The following ADD2 variants were observed in gnomAD, a reference collection of about 807,000 sequenced individuals.
The protein encoded by ADD2 is adducin 2.
A neutral mutation model predicts 83.0 loss-of-function variants in ADD2; 23 were observed. The ratio of observed to expected loss-of-function variants is 0.28; its 90% confidence interval spans 0.20 to 0.39. ADD2 has a LOEUF of 0.39. Ranked by LOEUF, ADD2 falls within the 10% of genes least tolerant of loss-of-function variation. The probability of loss-of-function intolerance (pLI) is 1.00; values close to 1 mark genes in which losing one functional copy is unlikely to be tolerated. For missense variants in ADD2, 758 were observed against 944.9 expected (o/e 0.80, Z 2.59); for synonymous variants, 375 against 375.4 (o/e 1.00, Z 0.01).
At chr2:70,664,682 AAGG>A (rs1422144363) in intron 15 of ADD2, among the ~76,000 whole-genome samples, 1 of 152,150 alleles carries the variant, frequency 6.6e-6, no homozygotes, top group Non-Finnish European at 1.5e-5. Context: ...CGGGAACTGA[AAGG>A]AGTGTGTGTG....
chr2:70,706,775 C>T lies in ADD2; in HGVS notation c.-34-333G>A, dbSNP rs1671929697. Reference sequence around the variant, plus strand: ...GACCTGCAGACCTTGTTGAGCATTTCTGTGATGCACACCTATGCAGTGGTA... The same window carrying T: ...GACCTGCAGACCTTGTTGAGCATTTTTGTGATGCACACCTATGCAGTGGTA... On this transcript the variant is annotated intron_variant, in intron 2 of 15. Coordinates refer to ENST00000264436, the MANE Select transcript of ADD2 (RefSeq NM_001617.4). This position sits in a 1 kb window ranked among gnomAD's most constrained non-coding sequence, Gnocchi z 5.0. Among the ~76,000 whole-genome samples the T allele has an allele frequency of 6.6e-6, 1 of 152,188 alleles. No individual in the cohort carries two copies. The highest frequency in any genetic ancestry group is 1.5e-5 in the Non-Finnish European group (1 of 68,022).
chr2:70,709,236 C>T (rs1485994688), intron 2 of ADD2, among the ~76,000 whole-genome samples: 2 of 151,592 alleles, frequency 1.3e-5, no homozygotes, highest in African/African-American at 4.8e-5. Flanking sequence ...CAGCACCACA[C>T]TTACCAGCGG....
Position 70,662,780 on chromosome 2 carries a change from A to G in ADD2, c.*645T>C. ...TGCCCCTATGCCTACCACCTCTTAT[A>G]GCTCTTCCATCCATCATTCAAGAGG... On this transcript the variant is annotated 3_prime_UTR_variant, in exon 16 of 16. Coordinates refer to ENST00000264436, the MANE Select transcript of ADD2 (RefSeq NM_001617.4). 1 of 152,398 alleles carries G rather than the reference A, an allele frequency of 6.6e-6. No individual in the cohort carries two copies. Among genetic ancestry groups the G allele is most frequent in the East Asian group, 1.9e-4 (1 of 5,194 alleles). 9.4% of individuals were successfully genotyped at this position (152,398 alleles called of 1,614,324 possible).
At chr2:70,687,733 C>T (rs2104301413) in intron 9 of ADD2, among the ~76,000 whole-genome samples, 1 of 152,372 alleles carries the variant, frequency 6.6e-6, no homozygotes, top group South Asian at 2.1e-4. Context: ...ATTTCTCCCA[C>T]TGTCCAGTTG....
At chr2:70,737,792 T>C (rs925044124) in intron 1 of ADD2, among the ~76,000 whole-genome samples, 1 of 152,234 alleles carries the variant, frequency 6.6e-6, no homozygotes, top group Admixed American at 6.5e-5. Context: ...CAAGTCCCCC[T>C]GTTCTGATTC....
intron 1 of ADD2, among the ~76,000 whole-genome samples, chr2:70,731,763 T>C (rs1354578041): frequency 6.6e-6 from 1 of 152,230 alleles, no homozygotes; most frequent in African/African-American, 2.4e-5. Flanking sequence ...CCCACAGCGA[T>C]GGACTGCTGA....
chr2:70,763,475 C>G (rs1675222018), intron 1 of ADD2, among the ~76,000 whole-genome samples: 1 of 151,904 alleles, frequency 6.6e-6, no homozygotes, highest in Non-Finnish European at 1.5e-5. Context: ...TATAAACATC[C>G]CTTTTGGCAG....
Position 70,706,484 on chromosome 2 carries a change from C to T in ADD2, c.-34-42G>A, listed in dbSNP as rs782746288. 2 of 1,508,784 alleles carry T rather than the reference C, an allele frequency of 1.3e-6. No individual in the cohort carries two copies. The highest frequency in any genetic ancestry group is 2.8e-5 in the African/African-American group (2 of 72,494). 93.5% of individuals were successfully genotyped at this position (1,508,784 alleles called of 1,614,324 possible). On this transcript the variant is annotated intron_variant, in intron 2 of 15. Coordinates refer to ENST00000264436, the MANE Select transcript of ADD2 (RefSeq NM_001617.4). This position sits in a 1 kb window ranked among gnomAD's most constrained non-coding sequence, Gnocchi z 5.0. ...AGGGTATGCGGTCAGGTTGGTGCTC[C>T]CCATCGGGGTACACGTTTCTCAGAG...
In ADD2 at chr2:70,704,370, C is replaced by T. The variant is rs782016516; in HGVS notation, c.273G>A (p.Ala91=). The T allele has an allele frequency of 1.2e-6, 2 of 1,611,516 alleles. No homozygotes were observed. The highest frequency in any genetic ancestry group is 8.5e-7 in the Non-Finnish European group (1 of 1,178,688). ...SSNIWALRQI[A]DFMASTSHAV... ...CGTGGGAGGTGCTGGCCATGAAGTC[C>T]GCGATCTGTCGCAGGGCCCAGATGT... Residue 91 remains alanine, a synonymous_variant, in exon 4 of 16, where the codon GCG becomes GCA. Coordinates refer to ENST00000264436, the MANE Select transcript of ADD2 (RefSeq NM_001617.4).
chr2:70,721,808 A>G (rs1672743180), intron 1 of ADD2, among the ~76,000 whole-genome samples: 1 of 152,246 alleles, frequency 6.6e-6, no homozygotes, highest in Admixed American at 6.5e-5. Context: ...CCACATGCAG[A>G]TTATAAAATG....
At chr2:70,677,710 C>A (rs200444585) in intron 12 of ADD2, 48 bp downstream of exon 12, 8 of 1,596,848 alleles carry the variant, frequency 5.0e-6, no homozygotes, top group Non-Finnish European at 6.8e-6. Flanking sequence ...GGACCTGAGA[C>A]CCCCCAGTGT....
At chr2:70,695,117 A>T (rs540439861) in intron 6 of ADD2, among the ~76,000 whole-genome samples, 37 of 152,276 alleles carry the variant, frequency 2.4e-4, no homozygotes, top group African/African-American at 4.8e-4. Flanking sequence ...GCATGTCTCA[A>T]GCCTGGCAGA....
intron 1 of ADD2, among the ~76,000 whole-genome samples, chr2:70,727,210 T>C (rs1553378456): frequency 6.6e-6 from 1 of 152,180 alleles, no homozygotes; most frequent in African/African-American, 2.4e-5. Flanking sequence ...AGTTATCTTG[T>C]GGCTTTCAAG....
intron 1 of ADD2, among the ~76,000 whole-genome samples, chr2:70,753,232 G>A (rs574979792): frequency 4.6e-5 from 7 of 152,258 alleles, no homozygotes; most frequent in South Asian, 4.2e-4. Flanking sequence ...GAGTGCTGCT[G>A]ACAGGTCAAG....
chr2:70,689,556 G>A (rs782057867), intron 8 of ADD2, among the ~76,000 whole-genome samples: 1 of 152,210 alleles, frequency 6.6e-6, no homozygotes, highest in Non-Finnish European at 1.5e-5. Context: ...GTAGCACTTC[G>A]TAGATGTGAA....
rs1553374057 is a variant in ADD2 at position 70,704,403 on chromosome 2, G to A, written c.240C>T (p.Asn80=). ...LIQEQMKKGN[N]SSNIWALRQI... The stretch of plus-strand genomic sequence containing the variant: ...GTCGCAGGGCCCAGATGTTGGAGGA[G>A]TTGTTCCCCTTCTTCATCTGCTCCT... The change falls in exon 4 of 16, where the codon AAC becomes AAT. Residue 80 remains asparagine (N), a synonymous_variant. Transcript: ENST00000264436. 6.2e-7 allele frequency: 1 copy of A among 1,614,176 alleles called. No individual in the cohort carries two copies. The highest frequency in any genetic ancestry group is 1.7e-5 in the Admixed American group (1 of 60,026).
chr2:70,702,491 T>C (rs1227189380), intron 4 of ADD2, among the ~76,000 whole-genome samples: 1 of 152,162 alleles, frequency 6.6e-6, no homozygotes, highest in East Asian at 1.9e-4. Context: ...AGAATAAACT[T>C]GTACAAACAG....
In ADD2 at chr2:70,676,144, T is replaced by C. The variant is rs1384027575; in HGVS notation, c.1593+652A>G. 4 of 985,510 alleles carry C rather than the reference T, an allele frequency of 4.1e-6. No individual in the cohort carries two copies. Among genetic ancestry groups the C allele is most frequent in the Non-Finnish European group, 4.8e-6 (4 of 829,972 alleles). 61.0% of individuals were successfully genotyped at this position (985,510 alleles called of 1,614,324 possible). The stretch of plus-strand genomic sequence containing the variant: ...ACTGCTAAGGAAAATGTCATGCCCA[T>C]TGCTACCTTGCAAGGAGCAGCAGTG... On this transcript the variant is annotated intron_variant, in intron 13 of 15. Transcript: ENST00000264436. The surrounding 1 kb of genome is among the most constrained non-coding windows in gnomAD (Gnocchi z 4.8).
chr2:70,712,084 A>C (rs13005488), intron 2 of ADD2, among the ~76,000 whole-genome samples: 42,228 of 151,992 alleles, frequency 0.28, 6,059 homozygotes, highest in East Asian at 0.45. Flanking sequence ...ACTTTTATTC[A>C]TGATGTATTT....
Sources: allele counts gnomAD v4.1 joint callset (sites outside exome capture counted in the v4.1 genomes callset), GRCh38; gene constraint gnomAD v4.1.1; non-coding constraint Gnocchi (gnomAD v3.1); transcripts MANE v1.5; gene names NCBI Gene and HGNC (gene_info 2026-07-23, HGNC 2026-07-21).